The following LIMCH1 variants were observed in gnomAD, a reference collection of about 807,000 sequenced individuals.
LIMCH1 encodes the protein LIM and calponin homology domains-containing protein 1.
LIMCH1 carries 113 observed loss-of-function variants against 176.5 expected under a neutral mutation model. The ratio of observed to expected loss-of-function variants is 0.64; its 90% CI spans 0.55 to 0.75. The LOEUF is 0.75. Among genes scored for constraint, LIMCH1 ranks in the 30% least tolerant of loss-of-function variants. LIMCH1 has a pLI of 0.00. For synonymous variants in LIMCH1, 619 were observed against 645.9 expected, an observed-to-expected ratio of 0.96 and a Z score of 0.63; for missense variants, 1,674 against 1,814.9, an observed-to-expected ratio of 0.92 and a Z score of 1.41.
intron 1 of LIMCH1, among the ~76,000 whole-genome samples, chr4:41,572,239 C>T (rs2083673594): frequency 6.6e-6 from 1 of 152,066 alleles, no homozygotes; most frequent in Admixed American, 6.6e-5. Flanking sequence ...CTTGCAAGTG[C>T]CCCACTCAAA....
At chr4:41,486,368 T>C (rs1476342637) in intron 1 of LIMCH1, among the ~76,000 whole-genome samples, 2 of 152,100 alleles carry the variant, frequency 1.3e-5, no homozygotes, top group Admixed American at 6.5e-5. Flanking sequence ...GGTGGCACAG[T>C]AATAAGGGAA....
rs576855487 is a variant in LIMCH1 at position 41,632,405 on chromosome 4, A to G, written c.1602-344A>G. On this transcript the variant is annotated intron_variant, in intron 10 of 31. Coordinates refer to ENST00000503057, the MANE Select transcript of LIMCH1 (RefSeq NM_001330672.2). ...TAGAAGAGAGAAGGCTATAAACACCAGAAATAAAGAGTTGAGGTTTCAGAG... is the reference window on the plus strand; with the variant it reads ...TAGAAGAGAGAAGGCTATAAACACCGGAAATAAAGAGTTGAGGTTTCAGAG... Among the ~76,000 whole-genome samples, 7 of 152,272 alleles carry G rather than the reference A, an allele frequency of 4.6e-5. No individual in the cohort carries two copies. In the East Asian group the frequency reaches 1.2e-3, roughly 25 times the overall value.
intron 18 of LIMCH1, 150 bp downstream of exon 18, chr4:41,650,758 T>A: frequency 1.5e-6 from 1 of 688,086 alleles, no homozygotes; most frequent in Non-Finnish European, 2.4e-6. Context: ...ACAAACTCAG[T>A]GGCTTAAACA....
Position 41,687,931 on chromosome 4 carries a change from G to A in LIMCH1, c.4166+14G>A. 1.2e-6 allele frequency: 2 copies of A among 1,608,152 alleles called. No homozygotes were observed. The highest frequency in any genetic ancestry group is 1.1e-5 in the South Asian group (1 of 90,896). On this transcript the variant is annotated intron_variant, in intron 29 of 31. Transcript: ENST00000503057. ...GTCACCAAACAGGTACAAGAGGTCA[G>A]CAGGCCTTTCTGAGGCTGCTTTGTT...
intron 2 of LIMCH1, among the ~76,000 whole-genome samples, chr4:41,599,891 T>C (rs2089613750): frequency 6.6e-6 from 1 of 152,230 alleles, no homozygotes; most frequent in Non-Finnish European, 1.5e-5. Context: ...TGCTTGATTT[T>C]ATACTATTTG....
intron 1 of LIMCH1, among the ~76,000 whole-genome samples, chr4:41,490,251 AT>A (rs142555723): frequency 0.067 from 9,041 of 135,160 alleles, 308 homozygotes; most frequent in Non-Finnish European, 0.077. Flanking sequence ...CTCTGCTGCT[AT>A]TTTTTTTTCT....
intron 30 of LIMCH1, among the ~76,000 whole-genome samples, chr4:41,690,036 G>A (rs1724211318): frequency 6.6e-6 from 1 of 152,122 alleles, no homozygotes; most frequent in Admixed American, 6.5e-5. Flanking sequence ...TTGACCTAGT[G>A]GAAAATTGTC....
chr4:41,503,243 T>C (rs1337492168), intron 2 of LIMCH1, among the ~76,000 whole-genome samples: 2 of 152,246 alleles, frequency 1.3e-5, no homozygotes, highest in African/African-American at 2.4e-5. Context: ...GAATTGGGCC[T>C]GGTGCTCATC....
At chr4:41,562,881 T>A (rs1324860897) in intron 1 of LIMCH1, among the ~76,000 whole-genome samples, 1 of 152,150 alleles carries the variant, frequency 6.6e-6, no homozygotes, top group East Asian at 1.9e-4. Context: ...AAATGTTTGA[T>A]AGAAAAGATC....
chr4:41,604,212 C>T (rs1479451590), intron 3 of LIMCH1: 2 of 985,080 alleles, frequency 2.0e-6, no homozygotes, highest in South Asian at 9.4e-5. Context: ...AACATTAGCC[C>T]CTTTCCATTT....
intron 3 of LIMCH1, chr4:41,524,530 A>G (rs2076431275): frequency 1.5e-6 from 2 of 1,344,592 alleles, no homozygotes; most frequent in Non-Finnish European, 2.1e-6. Flanking sequence ...GCTCTAACCT[A>G]GGGGTCATGA....
chr4:41,431,948 A>T (rs2061638375), intron 1 of LIMCH1, among the ~76,000 whole-genome samples: 1 of 152,188 alleles, frequency 6.6e-6, no homozygotes, highest in African/African-American at 2.4e-5. Context: ...TCCTAATTGA[A>T]GTTTTCTTTT....
chr4:41,682,509 G>A (rs763852915), intron 26 of LIMCH1, 49 bp downstream of exon 26: 6 of 1,580,548 alleles, frequency 3.8e-6, no homozygotes, highest in Non-Finnish European at 5.2e-6. Context: ...GCTGGGCTCT[G>A]CTCGTGCACG....
chr4:41,482,937 A>G (rs1258122220), intron 1 of LIMCH1, among the ~76,000 whole-genome samples: 1 of 152,212 alleles, frequency 6.6e-6, no homozygotes, highest in Non-Finnish European at 1.5e-5. Context: ...AGTGAGTTAA[A>G]TGAGGACAGC....
chr4:41,617,862 G>A (rs984274211), intron 5 of LIMCH1, among the ~76,000 whole-genome samples: 23 of 152,306 alleles, frequency 1.5e-4, no homozygotes, highest in Admixed American at 1.5e-3. Flanking sequence ...GACATAAAGA[G>A]TAGCCAGCAT....
Position 41,591,809 on chromosome 4 carries a change from T to C in LIMCH1, c.-240-7111T>C, listed in dbSNP as rs1044200879. Reference sequence around the variant, plus strand: ...CATGATCATGTTGATCTCTCCCTATTGGGGTAAAAGAAATAACGCCAAGAA... The same window carrying C: ...CATGATCATGTTGATCTCTCCCTATCGGGGTAAAAGAAATAACGCCAAGAA... On this transcript the variant is annotated intron_variant, in intron 1 of 31. Coordinates refer to ENST00000503057, the MANE Select transcript of LIMCH1 (RefSeq NM_001330672.2). Among the ~76,000 whole-genome samples the C allele has an allele frequency of 7.2e-5, 11 of 152,258 alleles. No homozygotes were observed. The South Asian group carries it at 1.9e-3, about 26-fold the overall frequency.
chr4:41,581,166 T>C (rs190142269), intron 1 of LIMCH1, among the ~76,000 whole-genome samples: 132 of 150,674 alleles, frequency 8.8e-4, no homozygotes, highest in African/African-American at 3.1e-3. Flanking sequence ...ATCATCTGTT[T>C]TCTAGCTTTA....
At chr4:41,644,658 G>A (rs1243874347) in intron 15 of LIMCH1, 32 bp downstream of exon 15, 3 of 1,585,432 alleles carry the variant, frequency 1.9e-6, no homozygotes, top group African/African-American at 2.7e-5. Context: ...CGGGCAGCGG[G>A]GAGGCTTCTG....
At chr4:41,444,022 T>G (rs2062989882) in intron 1 of LIMCH1, among the ~76,000 whole-genome samples, 1 of 152,186 alleles carries the variant, frequency 6.6e-6, no homozygotes, top group African/African-American at 2.4e-5. Flanking sequence ...TCTGTAATCA[T>G]GGACAGTGCA....
Sources: allele counts gnomAD v4.1 joint callset (sites outside exome capture counted in the v4.1 genomes callset), GRCh38; gene constraint gnomAD v4.1.1; transcripts MANE v1.5; gene names NCBI Gene and HGNC (gene_info 2026-07-23, HGNC 2026-07-21).